The following ANKS1B variants were observed in gnomAD, a reference collection of about 807,000 sequenced individuals.
ANKS1B encodes ankyrin repeat and sterile alpha motif domain containing 1B, also known as ankyrin repeat and sterile alpha motif domain-containing protein 1B.
In ANKS1B, 36 loss-of-function variants were observed where a neutral mutation model predicts 148.3. That is an observed-to-expected ratio of 0.24 (90% CI 0.19 to 0.32). The LOEUF is 0.32. Among genes scored for constraint, ANKS1B ranks in the 10% least tolerant of loss-of-function variants. The pLI, the probability that ANKS1B is intolerant of heterozygous loss-of-function variation, is 1.00. For synonymous variants in ANKS1B, 542 were observed against 560.8 expected (o/e 0.97, Z 0.47); for missense variants, 1,157 against 1,542.6 (o/e 0.75, Z 4.19).
chr12:99,906,225 A>T (rs1382386899), intron 1 of ANKS1B, among the ~76,000 whole-genome samples: 1 of 152,234 alleles, frequency 6.6e-6, no homozygotes, highest in African/African-American at 2.4e-5. Context: ...GACAGCCAGC[A>T]ATGAGGCAAG....
At chr12:98,883,537 CCT>C (rs1290732971) in intron 17 of ANKS1B, among the ~76,000 whole-genome samples, 1 of 152,134 alleles carries the variant, frequency 6.6e-6, no homozygotes, top group Non-Finnish European at 1.5e-5. Context: ...ACATGGCATT[CCT>C]CTGTTGATTT....
At chr12:99,858,592 C>A (rs951497446) in intron 1 of ANKS1B, among the ~76,000 whole-genome samples, 4 of 152,120 alleles carry the variant, frequency 2.6e-5, no homozygotes, top group African/African-American at 9.7e-5. Flanking sequence ...TATAGCAGCA[C>A]AATTTGCAGT....
intron 9 of ANKS1B, chr12:99,648,106 A>G (rs2098389244): frequency 6.5e-7 from 1 of 1,543,116 alleles, no homozygotes; most frequent in South Asian, 1.3e-5. Context: ...AGGAAACAGG[A>G]TGCCCGCTAA....
At chr12:98,834,977 C>G (rs2099353851) in intron 17 of ANKS1B, among the ~76,000 whole-genome samples, 1 of 152,050 alleles carries the variant, frequency 6.6e-6, no homozygotes, top group South Asian at 2.1e-4. Context: ...ATATAAATTC[C>G]TCCCATAAAA....
chr12:99,502,926 T>C (rs1179244973), intron 10 of ANKS1B, among the ~76,000 whole-genome samples: 2 of 152,136 alleles, frequency 1.3e-5, no homozygotes, highest in Non-Finnish European at 2.9e-5. Flanking sequence ...TATAATGGCT[T>C]TTCTGAATTT....
intron 1 of ANKS1B, among the ~76,000 whole-genome samples, chr12:99,962,350 C>A (rs891047722): frequency 2.2e-4 from 34 of 152,196 alleles, no homozygotes; most frequent in Non-Finnish European, 7.3e-5. Context: ...CTTCCAGCTT[C>A]ATCCATGTCC....
At chr12:99,257,169 G>A (rs571120034) in intron 12 of ANKS1B, among the ~76,000 whole-genome samples, 16 of 152,058 alleles carry the variant, frequency 1.1e-4, no homozygotes, top group Non-Finnish European at 1.9e-4. Context: ...GCGTGAACCC[G>A]GGAGGCGGAG....
At position 99,190,444 on chromosome 12, in the gene ANKS1B, A is replaced by G. The variant is rs530600984; in HGVS notation, c.2420-36049T>C. Among the ~76,000 whole-genome samples, 7 of 152,188 alleles carry G rather than the reference A, an allele frequency of 4.6e-5. No individual in the cohort carries two copies. The South Asian group carries it at 1.4e-3, about 31-fold the overall frequency. ...ATCATGCTACCTGACTTCAAACTAT[A>G]CTACAAGGCTATAGTAACCAAAACA... On this transcript the variant is annotated intron_variant, in intron 14 of 26. Transcript: ENST00000683438.
intron 9 of ANKS1B, among the ~76,000 whole-genome samples, chr12:99,610,462 G>C (rs1375023941): frequency 6.6e-6 from 1 of 152,064 alleles, no homozygotes; most frequent in Non-Finnish European, 1.5e-5. Context: ...ACAGAAAGGT[G>C]GGGAAAGGTC....
chr12:99,723,992 A>G, intron 8 of ANKS1B, among the ~76,000 whole-genome samples: 1 of 152,124 alleles, frequency 6.6e-6, no homozygotes, highest in Non-Finnish European at 1.5e-5. Context: ...AAAACCCATC[A>G]AGGATAGGCA....
chr12:99,968,317 G>T (rs1335894425), intron 1 of ANKS1B, among the ~76,000 whole-genome samples: 1 of 152,210 alleles, frequency 6.6e-6, no homozygotes, highest in Non-Finnish European at 1.5e-5. Flanking sequence ...CAGCACTTTG[G>T]GAGGCCGAGA....
chr12:99,053,281 T>C lies in ANKS1B; in HGVS notation c.2654A>G (p.His885Arg), dbSNP rs1377582274. ...CAGCCACTCAGCTACAGAGGTGGGA[T>C]GGTAGCCATCATGCCCAATGGGTCT... ...KMRPIGHDGY[H>R]PTSVAEWLDS... Residue 885 changes from histidine (H) to arginine (R), a missense_variant, in exon 17 of 27, where the codon CAT becomes CGT. Physicochemically the swap from His to Arg is conservative, Grantham distance 29. Transcript: ENST00000683438. The C allele has an allele frequency of 6.2e-7, 1 of 1,610,650 alleles. No homozygotes were observed. Among genetic ancestry groups the C allele is most frequent in the Non-Finnish European group, 8.5e-7 (1 of 1,178,488 alleles).
intron 12 of ANKS1B, among the ~76,000 whole-genome samples, chr12:99,258,872 G>A (rs887638992): frequency 1.2e-4 from 19 of 152,026 alleles, no homozygotes; most frequent in African/African-American, 4.6e-4. Context: ...CCAATTTTCT[G>A]GAAAGGAATT....
chr12:99,216,218 G>A (rs1479802443), intron 14 of ANKS1B, among the ~76,000 whole-genome samples: 8 of 152,156 alleles, frequency 5.3e-5, no homozygotes. Context: ...GGAACTGTGA[G>A]TCCATTAAAC....
At chr12:99,079,771 G>C (rs929427614) in intron 16 of ANKS1B, 2 of 151,998 alleles carry the variant, frequency 1.3e-5, no homozygotes, top group African/African-American at 4.9e-5. Flanking sequence ...CGAAGAAACA[G>C]CTTGTTATAA....
At chr12:99,036,304 A>T (rs1332978019) in intron 17 of ANKS1B, among the ~76,000 whole-genome samples, 3 of 152,140 alleles carry the variant, frequency 2.0e-5, no homozygotes, top group Non-Finnish European at 1.5e-5. Context: ...TATGGAAATA[A>T]AAAAGAATGG....
In ANKS1B at chr12:98,745,044, A is replaced by C. The variant is rs1432647508; in HGVS notation, c.*695T>G. ...TTAATGAAACATTCTTTTAATAAAA[A>C]TATTTAATACAAGACACATTTTGCT... On this transcript the variant is annotated 3_prime_UTR_variant, in exon 27 of 27. Transcript: ENST00000683438. 11 of 985,046 alleles carry C rather than the reference A, an allele frequency of 1.1e-5. No homozygotes were observed. Among genetic ancestry groups the C allele is most frequent in the Non-Finnish European group, 1.3e-5 (11 of 829,304 alleles). The allele number at this position is 985,046 out of a possible 1,614,324, so 61.0% of individuals were successfully genotyped here.
At chr12:99,257,160 C>T (rs1382525446) in intron 12 of ANKS1B, among the ~76,000 whole-genome samples, 6 of 151,980 alleles carry the variant, frequency 3.9e-5, no homozygotes, top group Admixed American at 3.9e-4. Flanking sequence ...AGGAGAATGG[C>T]GTGAACCCGG....
intron 16 of ANKS1B, among the ~76,000 whole-genome samples, chr12:99,068,587 G>A (rs969861247): frequency 3.3e-5 from 5 of 152,016 alleles, no homozygotes; most frequent in Non-Finnish European, 7.4e-5. Flanking sequence ...AAACATTTGG[G>A]TGAATTTCTT....
Sources: allele counts gnomAD v4.1 joint callset (sites outside exome capture counted in the v4.1 genomes callset), GRCh38; gene constraint gnomAD v4.1.1; transcripts MANE v1.5; gene names NCBI Gene and HGNC (gene_info 2026-07-23, HGNC 2026-07-21).